Variants in MOCOS observed in about 807,000 individuals in gnomAD.
The protein encoded by MOCOS is molybdenum cofactor sulfurase.
A neutral mutation model predicts 83.6 loss-of-function variants in MOCOS; 86 were observed. That is an observed-to-expected ratio of 1.03 (90% CI 0.86 to 1.23). The LOEUF (loss-of-function observed/expected upper bound fraction) is 1.23. Ranked by LOEUF, MOCOS falls within the 50% of genes most tolerant of loss-of-function variation. The pLI is 0.00. For synonymous variants in MOCOS, 445 were observed against 434.7 expected, an observed-to-expected ratio of 1.02 and a Z score of -0.29; for missense variants, 1,120 against 1,126.9, an observed-to-expected ratio of 0.99 and a Z score of 0.09.
intron 6 of MOCOS, among the ~76,000 whole-genome samples, chr18:36,210,481 G>C (rs1483171045): frequency 6.6e-6 from 1 of 152,166 alleles, no homozygotes; most frequent in African/African-American, 2.4e-5. Context: ...GGTGGAAAAT[G>C]CATCAGAGGC....
chr18:36,217,176 T>C (rs1397687442), intron 8 of MOCOS, among the ~76,000 whole-genome samples: 1 of 152,138 alleles, frequency 6.6e-6, no homozygotes, highest in Admixed American at 6.5e-5. Context: ...TTGATGGTTG[T>C]ACTGGGGTTA....
intron 2 of MOCOS, among the ~76,000 whole-genome samples, chr18:36,195,998 G>A (rs996825405): frequency 6.6e-6 from 1 of 152,014 alleles, no homozygotes; most frequent in Non-Finnish European, 1.5e-5. Flanking sequence ...AGGGGGAGAA[G>A]TGCGAGCAGG....
At chr18:36,249,418 C>T (rs542538011) in intron 10 of MOCOS, among the ~76,000 whole-genome samples, 42 of 152,194 alleles carry the variant, frequency 2.8e-4, no homozygotes, top group African/African-American at 8.9e-4. Flanking sequence ...TAATATATAT[C>T]TGTTTATTGA....
Position 36,220,094 on chromosome 18 carries a change from G to C in MOCOS, c.1837G>C (p.Asp613His). 6.2e-6 allele frequency: 10 copies of C among 1,613,788 alleles called. No individual in the cohort carries two copies. Among genetic ancestry groups the C allele is most frequent in the African/African-American group, 1.3e-5 (1 of 75,040 alleles). ...WPVGNQGLLY[D>H]RSWMVVNHNG... ...TGTAGGAAACCAAGGGCTGCTATAT[G>C]ACCGGAGCTGGATGGTTGTGAATCA... is the stretch of plus-strand genomic sequence containing the variant. Residue 613 changes from aspartate (D) to histidine (H), a missense_variant, in exon 9 of 15, where the codon GAC (aspartate) becomes CAC (histidine). Transcript: ENST00000261326.
chr18:36,200,292 C>T lies in MOCOS; in HGVS notation c.909C>T (p.Asp303=), dbSNP rs1002798163. 5 of 1,614,160 alleles carry T rather than the reference C, an allele frequency of 3.1e-6. No homozygotes were observed. Among genetic ancestry groups the T allele is most frequent in the Middle Eastern group, 3.3e-4 (2 of 6,062 alleles). The change falls in exon 4 of 15, where the codon GAC becomes GAT. Residue 303 remains aspartate, a synonymous_variant. Coordinates refer to ENST00000261326, the MANE Select transcript of MOCOS (RefSeq NM_017947.4). ...GTASAYLAGE[D]FYIPRQSVAQ... Reference sequence around the variant, plus strand: ...CCTCTGCGTACCTAGCAGGAGAAGACTTCTACATCCCGAGGCAGTCGGTAG... The same window carrying T: ...CCTCTGCGTACCTAGCAGGAGAAGATTTCTACATCCCGAGGCAGTCGGTAG...
Position 36,215,726 on chromosome 18 carries a change from C to T in MOCOS, c.1546C>T (p.Gln516Ter), listed in dbSNP as rs558749549. Reference sequence around the variant, plus strand: ...GACTGGAGCCCCATCAGCAGACAGCCAGGCTGATGTTATACCTGCTGTCAT... The same window carrying T: ...GACTGGAGCCCCATCAGCAGACAGCTAGGCTGATGTTATACCTGCTGTCAT... Reference protein sequence around the residue: ...GETGAPSADSQADVIPAVMGR... With the variant: ...GETGAPSADS Residue 516 changes from glutamine (Q) to a stop codon, truncating the protein, a stop_gained, in exon 8 of 15, where the codon CAG becomes TAG. Transcript: ENST00000261326. LOFTEE classifies it high-confidence loss of function. 103 of 1,614,200 alleles carry T rather than the reference C, an allele frequency of 6.4e-5. 2 individuals are homozygous for T. The South Asian group carries it at 1.1e-3, about 17-fold the overall frequency.
intron 9 of MOCOS, among the ~76,000 whole-genome samples, chr18:36,245,983 C>T (rs1417200652): frequency 6.6e-6 from 1 of 152,066 alleles, no homozygotes; most frequent in Non-Finnish European, 1.5e-5. Context: ...TTGTGATCAT[C>T]TTTTCTTTAT....
chr18:36,220,551 G>A (rs1772340244), intron 9 of MOCOS, among the ~76,000 whole-genome samples: 1 of 152,082 alleles, frequency 6.6e-6, no homozygotes, highest in African/African-American at 2.4e-5. Context: ...AAGGGAAATA[G>A]TGTCTAGGAA....
chr18:36,213,143 T>C (rs2091461595), intron 6 of MOCOS, among the ~76,000 whole-genome samples: 1 of 152,216 alleles, frequency 6.6e-6, no homozygotes, highest in African/African-American at 2.4e-5. Flanking sequence ...GGGCCTGCTC[T>C]GTGGTCCAAC....
At position 36,240,447 on chromosome 18, in the gene MOCOS, G is replaced by A. The variant is rs865931780; in HGVS notation, c.1961-8475G>A. 2.6e-3 allele frequency among the ~76,000 whole-genome samples: 389 copies of A among 150,410 alleles called. 3 individuals carry two copies. The highest frequency in any genetic ancestry group is 8.8e-3 in the African/African-American group (360 of 40,786). Reference sequence around the variant, plus strand: ...GGGGTGCCTCCCAGTTAGGCTGCTCGGGGGTCAGGGGTCAGGGACCCACTT... The same window carrying A: ...GGGGTGCCTCCCAGTTAGGCTGCTCAGGGGTCAGGGGTCAGGGACCCACTT... On this transcript the variant is annotated intron_variant, in intron 9 of 14. Transcript: ENST00000261326.
chr18:36,196,002 G>A lies in MOCOS; in HGVS notation c.232+656G>A, dbSNP rs114656245. ...ACTCAGACAAGAGGGGGAGAAGTGC[G>A]AGCAGGCAGGGTAACAGCCTGAGCC... is the stretch of plus-strand genomic sequence containing the variant. On this transcript the variant is annotated intron_variant, in intron 2 of 14. Transcript: ENST00000261326. Among the ~76,000 whole-genome samples, 497 of 152,110 alleles carry A rather than the reference G, an allele frequency of 3.3e-3. 3 individuals carry two copies. Among genetic ancestry groups the A allele is most frequent in the African/African-American group, 0.011 (470 of 41,546 alleles).
At chr18:36,247,316 G>A (rs1398755544) in intron 9 of MOCOS, among the ~76,000 whole-genome samples, 1 of 152,202 alleles carries the variant, frequency 6.6e-6, no homozygotes, top group Admixed American at 6.5e-5. Flanking sequence ...CTCAGGCCTT[G>A]CTCCTCCCTG....
Position 36,200,167 on chromosome 18 carries a change from T to G in MOCOS, c.784T>G (p.Phe262Val). The part of the protein sequence containing the change: ...AHQADFVPIS[F>V]YKIFGFPTGL... ...CCAGGCCGACTTTGTCCCCATCTCCTTCTATAAGATCTTCGGGTTTCCTAC... is the reference window on the plus strand; with the variant it reads ...CCAGGCCGACTTTGTCCCCATCTCCGTCTATAAGATCTTCGGGTTTCCTAC... The change falls in exon 4 of 15, where the codon TTC (phenylalanine) becomes GTC (valine). Residue 262 changes from phenylalanine (F) to valine (V), a missense_variant. Physicochemically the swap from Phe to Val is conservative, Grantham distance 50. Coordinates refer to ENST00000261326, the MANE Select transcript of MOCOS (RefSeq NM_017947.4). 6.2e-7 allele frequency: 1 copy of G among 1,614,198 alleles called. No individual in the cohort carries two copies. The highest frequency in any genetic ancestry group is 8.5e-7 in the Non-Finnish European group (1 of 1,180,040).
chr18:36,200,456 G>C (rs1187783588), intron 4 of MOCOS, 132 bp downstream of exon 4: 2 of 1,154,586 alleles, frequency 1.7e-6, no homozygotes, highest in Non-Finnish European at 2.4e-6. Flanking sequence ...GCAGGGACAG[G>C]CTGATGGCAG....
intron 9 of MOCOS, 84 bp from the exon 10 acceptor site, chr18:36,248,838 A>G: frequency 8.8e-7 from 1 of 1,138,234 alleles, no homozygotes; most frequent in Non-Finnish European, 1.3e-6. Context: ...TGTTTTGGTT[A>G]CTACAGCTTT....
At chr18:36,258,457 T>C (rs2091650755) in intron 12 of MOCOS, among the ~76,000 whole-genome samples, 1 of 152,166 alleles carries the variant, frequency 6.6e-6, no homozygotes. Flanking sequence ...GCTAATCCTC[T>C]TGTTGCAGAT....
intron 1 of MOCOS, among the ~76,000 whole-genome samples, chr18:36,188,528 C>T (rs1488472744): frequency 6.6e-6 from 1 of 152,210 alleles, no homozygotes; most frequent in East Asian, 1.9e-4. Context: ...CCCAGGGCCG[C>T]GTGCCGGATG....
chr18:36,268,729 T>C lies in MOCOS; in HGVS notation c.*44T>C. On this transcript the variant is annotated 3_prime_UTR_variant, in exon 15 of 15. Transcript: ENST00000261326. ...AGTTTCTCTTTTACAGTGATCTCTA[T>C]TATTGTTAAGATCTGCAACTTGGTT... The C allele has an allele frequency of 1.3e-6, 2 of 1,517,822 alleles. No individual in the cohort carries two copies. Among genetic ancestry groups the C allele is most frequent in the South Asian group, 1.1e-5 (1 of 89,258 alleles). 94.0% of individuals were successfully genotyped at this position (1,517,822 alleles called of 1,614,324 possible).
Position 36,271,957 on chromosome 18 carries a change from C to T in MOCOS, c.*3272C>T, listed in dbSNP as rs527358418. The T allele has an allele frequency of 1.3e-5, 2 of 152,058 alleles. No homozygotes were observed. Among genetic ancestry groups the T allele is most frequent in the Non-Finnish European group, 2.9e-5 (2 of 68,024 alleles). The allele number at this position is 152,058 out of a possible 1,614,324, so 9.4% of individuals were successfully genotyped here. ...TGAACAGGTTCTAGAGTTTCAGAAA[C>T]AAAAGAAACAGAACCAACATTTATA... is the stretch of plus-strand genomic sequence containing the variant. On this transcript the variant is annotated 3_prime_UTR_variant, in exon 15 of 15. Coordinates refer to ENST00000261326, the MANE Select transcript of MOCOS (RefSeq NM_017947.4).
Sources: allele counts gnomAD v4.1 joint callset (sites outside exome capture counted in the v4.1 genomes callset), GRCh38; gene constraint gnomAD v4.1.1; transcripts MANE v1.5; gene names NCBI Gene and HGNC (gene_info 2026-07-23, HGNC 2026-07-21).